CIMIP6: variants seen among roughly 807,000 people sequenced by gnomAD.
CIMIP6 encodes ciliary microtubule inner protein 6.
the CIMIP6 span, chr2:54,361,633 A>G: frequency 6.6e-6 from 1 of 152,204 alleles, no homozygotes; most frequent in Non-Finnish European, 1.5e-5. Flanking sequence ...TTCTTGCCAC[A>G]TATATATCTC....
the CIMIP6 span, among the ~76,000 whole-genome samples, chr2:54,368,330 G>T: frequency 2.0e-5 from 3 of 151,646 alleles, no homozygotes; most frequent in Admixed American, 6.5e-5. Flanking sequence ...GGTATACATG[G>T]CTTTGTGTAC....
the CIMIP6 span, among the ~76,000 whole-genome samples, chr2:54,382,191 C>A: frequency 2.0e-5 from 3 of 152,054 alleles, no homozygotes; most frequent in African/African-American, 7.2e-5. Context: ...ATATCAGTAC[C>A]ATTTGGGTAC....
the CIMIP6 span, among the ~76,000 whole-genome samples, chr2:54,335,893 A>T: frequency 6.6e-6 from 1 of 152,106 alleles, no homozygotes. Flanking sequence ...CTTTGAAGCC[A>T]GCAACACAGC....
chr2:54,341,041 T>G, the CIMIP6 span, among the ~76,000 whole-genome samples: 1 of 152,188 alleles, frequency 6.6e-6, no homozygotes. Flanking sequence ...CCCAGAGCCA[T>G]TTTTCCAGTA....
chr2:54,350,897 C>T, the CIMIP6 span, among the ~76,000 whole-genome samples: 2 of 152,172 alleles, frequency 1.3e-5, no homozygotes, highest in East Asian at 3.8e-4. Flanking sequence ...CCACTGTCTC[C>T]TGGATTTTAT....
At chr2:54,350,390 T>C in the CIMIP6 span, among the ~76,000 whole-genome samples, 2 of 152,238 alleles carry the variant, frequency 1.3e-5, no homozygotes, top group Non-Finnish European at 2.9e-5. Context: ...GATGGTCACT[T>C]GTGTGGCCAC....
the CIMIP6 span, among the ~76,000 whole-genome samples, chr2:54,362,482 A>G: frequency 1.3e-5 from 2 of 152,164 alleles, no homozygotes; most frequent in Non-Finnish European, 2.9e-5. Context: ...TCTTTCTGGA[A>G]CAGCTATTAG....
the CIMIP6 span, among the ~76,000 whole-genome samples, chr2:54,368,907 T>C: frequency 2.0e-5 from 3 of 152,156 alleles, no homozygotes; most frequent in Non-Finnish European, 4.4e-5. Context: ...CCTCTTTTAT[T>C]TGCTGATTTT....
the CIMIP6 span, among the ~76,000 whole-genome samples, chr2:54,348,468 T>C: frequency 3.3e-5 from 5 of 152,318 alleles, no homozygotes; most frequent in Admixed American, 3.3e-4. Context: ...AGTTCATTAT[T>C]GTATCCTAGG....
chr2:54,351,731 C>T, the CIMIP6 span, among the ~76,000 whole-genome samples: 3 of 152,124 alleles, frequency 2.0e-5, no homozygotes, highest in East Asian at 5.8e-4. Flanking sequence ...ACAAGCTTAC[C>T]TATACATAAC....
At chr2:54,374,415 T>G in the CIMIP6 span, among the ~76,000 whole-genome samples, 1 of 152,238 alleles carries the variant, frequency 6.6e-6, no homozygotes, top group African/African-American at 2.4e-5. Context: ...GTTTGGACTT[T>G]CCTTTAGTCA....
the CIMIP6 span, among the ~76,000 whole-genome samples, chr2:54,373,237 G>A: frequency 1.3e-4 from 19 of 151,982 alleles, no homozygotes; most frequent in Non-Finnish European, 2.5e-4. Flanking sequence ...AACCAGCCAC[G>A]CTCCAAGCCC....
At chr2:54,382,061 G>A in the CIMIP6 span, 1 of 1,401,502 alleles carries the variant, frequency 7.1e-7, no homozygotes, top group South Asian at 1.7e-5. Context: ...TCCCTAAGTG[G>A]CTGAAGAGAA....
the CIMIP6 span, among the ~76,000 whole-genome samples, chr2:54,377,226 C>A: frequency 6.6e-6 from 1 of 152,218 alleles, no homozygotes; most frequent in African/African-American, 2.4e-5. Flanking sequence ...TAATATTGAC[C>A]AATTTCCGTC....
the CIMIP6 span, among the ~76,000 whole-genome samples, chr2:54,342,537 A>G: frequency 1.3e-5 from 2 of 151,000 alleles, no homozygotes; most frequent in Non-Finnish European, 2.9e-5. Context: ...CTAATGTTGT[A>G]TATGTCTTTT....
At chr2:54,363,821 G>A in the CIMIP6 span, among the ~76,000 whole-genome samples, 1 of 152,208 alleles carries the variant, frequency 6.6e-6, no homozygotes, top group South Asian at 2.1e-4. Context: ...TGCAAACTTA[G>A]TACTTTAACC....
At chr2:54,345,188 A>T in the CIMIP6 span, among the ~76,000 whole-genome samples, 1 of 152,196 alleles carries the variant, frequency 6.6e-6, no homozygotes, top group African/African-American at 2.4e-5. Context: ...TATTTAATAC[A>T]AGTTTTACAT....
the CIMIP6 span, among the ~76,000 whole-genome samples, chr2:54,375,480 G>A: frequency 6.6e-6 from 1 of 152,062 alleles, no homozygotes; most frequent in Admixed American, 6.6e-5. Flanking sequence ...TGTTGGTAAG[G>A]GTAAGGGGGA....
the CIMIP6 span, among the ~76,000 whole-genome samples, chr2:54,361,755 T>C: frequency 2.0e-5 from 3 of 152,126 alleles, no homozygotes; most frequent in African/African-American, 7.2e-5. Context: ...TTGGAAAAAT[T>C]AGAATGCAAG....
Sources: allele counts gnomAD v4.1 joint callset (sites outside exome capture counted in the v4.1 genomes callset), GRCh38; gene constraint gnomAD v4.1.1; transcripts MANE v1.5; gene names NCBI Gene and HGNC (gene_info 2026-07-23, HGNC 2026-07-21).